NPAS3: variants seen among roughly 807,000 people sequenced by gnomAD.
NPAS3 encodes neuronal PAS domain-containing protein 3.
NPAS3 carries 14 observed loss-of-function variants against 73.1 expected under a neutral mutation model. The observed-to-expected ratio is 0.19, with a 90% confidence interval of 0.13 to 0.30. The LOEUF is 0.30. Ranked by LOEUF, NPAS3 falls within the 10% of genes least tolerant of loss-of-function variation. The pLI is 1.00. For missense variants in NPAS3, 1,096 were observed against 1,250.0 expected (o/e 0.88, Z 1.86); for synonymous variants, 620 against 541.5 (o/e 1.14, Z -2.01).
chr14:33,776,776 G>A (rs775539559), intron 8 of NPAS3, among the ~76,000 whole-genome samples: 46 of 152,056 alleles, frequency 3.0e-4, no homozygotes, highest in Non-Finnish European at 1.5e-4. Flanking sequence ...AAGAAACTGA[G>A]TCTCAGAGTA....
At chr14:33,690,305 G>A (rs1278545645) in intron 6 of NPAS3, among the ~76,000 whole-genome samples, 2 of 44,580 alleles carry the variant, frequency 4.5e-5, no homozygotes, top group African/African-American at 2.0e-4. Flanking sequence ...GTGTAGATCT[G>A]GTGGAATGCA....
At chr14:32,941,641 A>T (rs2036019886) in intron 1 of NPAS3, among the ~76,000 whole-genome samples, 3 of 151,938 alleles carry the variant, frequency 2.0e-5, no homozygotes, top group Admixed American at 6.6e-5. Context: ...TTGTAGGAGG[A>T]TATACTGTAT....
At chr14:32,934,934 T>G, upstream of NPAS3, 5 of 1,162,824 alleles carry the variant, frequency 4.3e-6, no homozygotes, top group East Asian at 4.7e-5. The surrounding 1 kb of genome is among the most constrained non-coding windows in gnomAD (Gnocchi z 4.1). Context: ...GGCGCGGGCA[T>G]GGGGAGGGCC....
At chr14:32,937,247 G>C (rs1036397498), upstream of NPAS3, among the ~76,000 whole-genome samples, 8 of 152,002 alleles carry the variant, frequency 5.3e-5, no homozygotes, top group Non-Finnish European at 7.4e-5. Context: ...TTTCCGCTTG[G>C]ATTTGTTTCC....
intron 6 of NPAS3, among the ~76,000 whole-genome samples, chr14:33,706,030 C>T (rs191693163): frequency 7.2e-4 from 110 of 152,344 alleles, no homozygotes; most frequent in Non-Finnish European, 1.2e-3. Flanking sequence ...ACACATGTAA[C>T]TGCTAGGGGA....
chr14:33,233,947 A>G (rs2047941751), intron 3 of NPAS3, among the ~76,000 whole-genome samples: 1 of 152,164 alleles, frequency 6.6e-6, no homozygotes, highest in Non-Finnish European at 1.5e-5. Flanking sequence ...TTTCTTTGAA[A>G]TGTGCATTCT....
intron 5 of NPAS3, among the ~76,000 whole-genome samples, chr14:33,592,392 A>G (rs965354670): frequency 6.6e-6 from 1 of 152,224 alleles, no homozygotes; most frequent in Non-Finnish European, 1.5e-5. Context: ...TGGAGAAACA[A>G]GACACAAACA....
chr14:33,243,316 G>C (rs893088178), intron 3 of NPAS3, among the ~76,000 whole-genome samples: 2 of 151,994 alleles, frequency 1.3e-5, no homozygotes, highest in Non-Finnish European at 2.9e-5. Context: ...CACTATATCT[G>C]AGAATGCCAT....
At chr14:33,145,154 A>C (rs2044192999) in intron 2 of NPAS3, among the ~76,000 whole-genome samples, 1 of 152,178 alleles carries the variant, frequency 6.6e-6, no homozygotes, top group Non-Finnish European at 1.5e-5. Context: ...TTTGCAGTTC[A>C]CCCACTACCC....
chr14:33,385,225 C>T (rs533519619), intron 4 of NPAS3, among the ~76,000 whole-genome samples: 42 of 151,772 alleles, frequency 2.8e-4, no homozygotes, highest in Non-Finnish European at 2.9e-5. Flanking sequence ...TGTAGATGAC[C>T]ACCCTTCTTT....
intron 1 of NPAS3, among the ~76,000 whole-genome samples, chr14:33,020,388 C>T (rs2039549819): frequency 6.6e-6 from 1 of 152,146 alleles, no homozygotes; most frequent in African/African-American, 2.4e-5. Flanking sequence ...TAAACTTTAG[C>T]CCCAGTTTAC....
chr14:33,110,224 T>G (rs1157116773), intron 2 of NPAS3, among the ~76,000 whole-genome samples: 1 of 152,190 alleles, frequency 6.6e-6, no homozygotes, highest in Non-Finnish European at 1.5e-5. Flanking sequence ...AGACTGTACA[T>G]GTTTACATAT....
chr14:33,419,415 CTG>C (rs2048284917), intron 4 of NPAS3, among the ~76,000 whole-genome samples: 1 of 151,756 alleles, frequency 6.6e-6, no homozygotes, highest in African/African-American at 2.4e-5. Flanking sequence ...ACCATAAAAA[CTG>C]TGATTGTTGT....
At chr14:33,563,887 G>A (rs1472510322) in intron 5 of NPAS3, among the ~76,000 whole-genome samples, 1 of 152,168 alleles carries the variant, frequency 6.6e-6, no homozygotes, top group Non-Finnish European at 1.5e-5. Flanking sequence ...TATATAGCCA[G>A]CGTTTATGAA....
chr14:33,548,588 G>A (rs930496291), intron 4 of NPAS3, among the ~76,000 whole-genome samples: 2 of 152,232 alleles, frequency 1.3e-5, no homozygotes, highest in Non-Finnish European at 2.9e-5. Flanking sequence ...TACAACTTCA[G>A]TAAACCACAT....
chr14:33,422,308 T>C (rs1231470741), intron 4 of NPAS3, among the ~76,000 whole-genome samples: 2 of 151,928 alleles, frequency 1.3e-5, no homozygotes, highest in African/African-American at 2.4e-5. Flanking sequence ...TTGTAGGGGA[T>C]AGGTAAAGAT....
chr14:33,347,320 G>C (rs1004318277), intron 3 of NPAS3, among the ~76,000 whole-genome samples: 1 of 152,190 alleles, frequency 6.6e-6, no homozygotes, highest in Non-Finnish European at 1.5e-5. Flanking sequence ...TCTATTAAAT[G>C]TTTTTAGAAA....
intron 5 of NPAS3, among the ~76,000 whole-genome samples, chr14:33,630,094 T>A (rs1290354886): frequency 6.6e-6 from 1 of 152,206 alleles, no homozygotes; most frequent in Non-Finnish European, 1.5e-5. Flanking sequence ...CAGGACATAT[T>A]CCTGGAGTTC....
intron 4 of NPAS3, among the ~76,000 whole-genome samples, chr14:33,386,549 A>G (rs2046783823): frequency 6.6e-6 from 1 of 152,034 alleles, no homozygotes; most frequent in Non-Finnish European, 1.5e-5. Flanking sequence ...TCTTTATTGA[A>G]ATCATCAGTT....
Sources: gnomAD v4.1 joint callset for allele counts (sites outside exome capture counted in the v4.1 genomes callset) on GRCh38, gnomAD v4.1.1 for gene constraint, Gnocchi (gnomAD v3.1) non-coding constraint, MANE v1.5 for transcripts, NCBI Gene and HGNC (gene_info 2026-07-23, HGNC 2026-07-21) for gene names.